CHN2: variants seen among roughly 807,000 people sequenced by gnomAD.
CHN2 encodes beta-chimaerin.
CHN2 carries 35 observed loss-of-function variants against 56.3 expected under a neutral mutation model. The ratio of observed to expected loss-of-function variants is 0.62; its 90% CI spans 0.47 to 0.82. The LOEUF (loss-of-function observed/expected upper bound fraction) is 0.82, where lower values mean the gene tolerates loss of function less well. Among genes scored for constraint, CHN2 ranks in the 40% least tolerant of loss-of-function variants. The pLI, the probability that CHN2 is intolerant of heterozygous loss-of-function variation, is 0.00. For synonymous variants in CHN2, 210 were observed against 212.8 expected, an observed-to-expected ratio of 0.99 and a Z score of 0.12; for missense variants, 491 against 580.5, an observed-to-expected ratio of 0.85 and a Z score of 1.58.
intron 6 of CHN2, among the ~76,000 whole-genome samples, chr7:29,472,529 G>T (rs1439076867): frequency 6.6e-6 from 1 of 152,038 alleles, no homozygotes; most frequent in Non-Finnish European, 1.5e-5. Context: ...GACACCCAGG[G>T]TCATCACCCA....
chr7:29,264,309 G>A (rs902248943), intron 1 of CHN2, among the ~76,000 whole-genome samples: 13 of 152,250 alleles, frequency 8.5e-5, no homozygotes, highest in African/African-American at 3.1e-4. Flanking sequence ...CCGTCTGGGA[G>A]GTGTACCCAA....
At chr7:29,381,033 T>TA (rs1800456923) in intron 3 of CHN2, among the ~76,000 whole-genome samples, 1 of 152,182 alleles carries the variant, frequency 6.6e-6, no homozygotes, top group South Asian at 2.1e-4. Flanking sequence ...GGAAGATGCA[T>TA]AATTGGAAGC....
intron 4 of CHN2, chr7:29,397,684 C>G (rs1801864392): frequency 6.6e-6 from 1 of 152,216 alleles, no homozygotes; most frequent in Admixed American, 6.5e-5. Flanking sequence ...CTCTCTGGGC[C>G]TCAGACAACT....
chr7:29,363,063 ACT>A (rs1158520160), intron 2 of CHN2, among the ~76,000 whole-genome samples: 1 of 152,130 alleles, frequency 6.6e-6, no homozygotes, highest in Non-Finnish European at 1.5e-5. Flanking sequence ...TAGATCTGGA[ACT>A]CTGTGATTCT....
chr7:29,506,959 A>G (rs1011242651), intron 10 of CHN2, among the ~76,000 whole-genome samples: 3 of 152,106 alleles, frequency 2.0e-5, no homozygotes, highest in Non-Finnish European at 2.9e-5. Flanking sequence ...CTAAATTTCT[A>G]TTTAGCAAAT....
At chr7:29,250,117 A>G (rs755406274) in intron 1 of CHN2, among the ~76,000 whole-genome samples, 1 of 152,222 alleles carries the variant, frequency 6.6e-6, no homozygotes, top group Non-Finnish European at 1.5e-5. Context: ...CAGAGACATC[A>G]GTTAGCTCAG....
At chr7:29,390,728 T>A (rs1801298393) in intron 3 of CHN2, among the ~76,000 whole-genome samples, 1 of 152,184 alleles carries the variant, frequency 6.6e-6, no homozygotes, top group African/African-American at 2.4e-5. Flanking sequence ...GGGTCCTGGT[T>A]TCCACTGATG....
At chr7:29,438,359 T>C (rs1308667242) in intron 6 of CHN2, among the ~76,000 whole-genome samples, 1 of 152,260 alleles carries the variant, frequency 6.6e-6, no homozygotes, top group African/African-American at 2.4e-5. Flanking sequence ...GGCTGGTTTT[T>C]TTTCTTTCTT....
rs117554611 is a variant in CHN2, at chr7:29,294,548, G to A, written c.50-60077G>A. Among the ~76,000 whole-genome samples, 60 of 152,234 alleles carry A rather than the reference G, an allele frequency of 3.9e-4. 1 individual carries two copies. The East Asian group carries it at 7.1e-3, about 18-fold the overall frequency. ...CAAGAAGATACCATTTTTGTGCCGC[G>A]TTGAAAGACAAGGACAGAAACAGAG... On this transcript the variant is annotated intron_variant, in intron 1 of 12. Coordinates refer to ENST00000222792, the MANE Select transcript of CHN2 (RefSeq NM_004067.4).
In CHN2 at chr7:29,514,051, A is replaced by T. The variant is rs1791795053; in HGVS notation, c.*1316A>T. On this transcript the variant is annotated 3_prime_UTR_variant, in exon 13 of 13. Coordinates refer to ENST00000222792, the MANE Select transcript of CHN2 (RefSeq NM_004067.4). ...GCTTTGGAGTGAGCAGAAGAGAATG[A>T]CTATTTTACGTGGAGCATCATTGTG... The T allele has an allele frequency of 6.6e-6, 1 of 152,624 alleles. No homozygotes were observed. The highest frequency in any genetic ancestry group is 2.1e-4 in the South Asian group (1 of 4,824). The allele number at this position is 152,624 out of a possible 1,614,324, so 9.5% of individuals were successfully genotyped here. A position where few individuals can be genotyped will look rare whatever the true frequency, so the allele number is the denominator to read the frequency against.
chr7:29,458,384 C>T (rs2524948), intron 6 of CHN2, among the ~76,000 whole-genome samples: 2,611 of 21,694 alleles, frequency 0.12, 53 homozygotes, highest in African/African-American at 0.33. Flanking sequence ...TGTGCACACA[C>T]ACACACACAC....
At chr7:29,405,220 C>CACACACAT (rs1802551913) in intron 6 of CHN2, among the ~76,000 whole-genome samples, 1 of 145,880 alleles carries the variant, frequency 6.9e-6, no homozygotes, top group Admixed American at 6.8e-5. Flanking sequence ...CACACACACA[C>CACACACAT]ACGGCAGTTC....
At chr7:29,323,163 C>T (rs1042530081) in intron 1 of CHN2, among the ~76,000 whole-genome samples, 1 of 149,620 alleles carries the variant, frequency 6.7e-6, no homozygotes, top group African/African-American at 2.5e-5. Context: ...CCCCCGTTCC[C>T]CCCCAACAAA....
intron 1 of CHN2, among the ~76,000 whole-genome samples, chr7:29,209,438 C>T (rs1784761119): frequency 6.6e-6 from 1 of 152,186 alleles, no homozygotes; most frequent in South Asian, 2.1e-4. Context: ...TGCTAACCTA[C>T]TACATTAAGA....
At chr7:29,491,892 T>G (rs779864736) in intron 7 of CHN2, among the ~76,000 whole-genome samples, 72 of 152,222 alleles carry the variant, frequency 4.7e-4, no homozygotes, top group Non-Finnish European at 8.2e-4. Flanking sequence ...ACCCCATGTT[T>G]AAGTCCCCTA....
At chr7:29,439,163 T>G (rs1360302501) in intron 6 of CHN2, among the ~76,000 whole-genome samples, 1 of 152,200 alleles carries the variant, frequency 6.6e-6, no homozygotes, top group Non-Finnish European at 1.5e-5. Context: ...CTTCCCTAGT[T>G]GTACAGAACT....
chr7:29,499,266 A>C (rs1789666582), intron 8 of CHN2, among the ~76,000 whole-genome samples: 1 of 152,166 alleles, frequency 6.6e-6, no homozygotes, highest in South Asian at 2.1e-4. Flanking sequence ...CATTATTTCC[A>C]CTCACAGGTG....
chr7:29,312,205 A>C (rs915988652), intron 1 of CHN2, among the ~76,000 whole-genome samples: 1 of 142,704 alleles, frequency 7.0e-6, no homozygotes, highest in Non-Finnish European at 1.5e-5. Flanking sequence ...TCATTTCTTC[A>C]TGCTCTTCTT....
At chr7:29,351,998 A>C (rs563958517) in intron 1 of CHN2, among the ~76,000 whole-genome samples, 1 of 152,206 alleles carries the variant, frequency 6.6e-6, no homozygotes, top group Non-Finnish European at 1.5e-5. Context: ...GTGTTAATTT[A>C]GGGGCCAGTG....
Sources: allele counts gnomAD v4.1 joint callset (sites outside exome capture counted in the v4.1 genomes callset), GRCh38; gene constraint gnomAD v4.1.1; transcripts MANE v1.5; gene names NCBI Gene and HGNC (gene_info 2026-07-23, HGNC 2026-07-21).